ILDR1: variants seen among roughly 807,000 people sequenced by gnomAD.
ILDR1 encodes the protein immunoglobulin like domain containing receptor 1.
A neutral mutation model predicts 62.4 loss-of-function variants in ILDR1; 56 were observed. The ratio of observed to expected loss-of-function variants is 0.90; its 90% CI spans 0.72 to 1.12. The LOEUF is 1.12. ILDR1 is among the 50% of genes most tolerant of loss of function. The pLI, the probability that ILDR1 is intolerant of heterozygous loss-of-function variation, is 0.00. For synonymous variants in ILDR1, 284 were observed against 277.8 expected (o/e 1.02, Z -0.22); for missense variants, 736 against 710.6 (o/e 1.04, Z -0.41).
chr3:122,057,163 TATC>T, the ILDR1 span, among the ~76,000 whole-genome samples: 1 of 152,242 alleles, frequency 6.6e-6, no homozygotes, highest in Non-Finnish European at 1.5e-5. Context: ...CTAGTGGTGA[TATC>T]ATCTTTCTGG....
chr3:122,020,563 T>C (rs1012562159), intron 1 of ILDR1, among the ~76,000 whole-genome samples: 2 of 152,210 alleles, frequency 1.3e-5, no homozygotes, highest in African/African-American at 4.8e-5. Context: ...GGGGATAGAA[T>C]ACCCAGGGGC....
the ILDR1 span, among the ~76,000 whole-genome samples, chr3:122,046,342 G>T: frequency 6.6e-6 from 1 of 151,526 alleles, no homozygotes; most frequent in Non-Finnish European, 1.5e-5. Context: ...CTCTCTGGTT[G>T]CCCTTAACAT....
At chr3:122,046,613 C>T in the ILDR1 span, among the ~76,000 whole-genome samples, 17 of 151,188 alleles carry the variant, frequency 1.1e-4, no homozygotes, top group Non-Finnish European at 7.4e-5. Context: ...AGGCTTTGCT[C>T]GTTTCTTTTT....
Position 121,988,177 on chromosome 3 carries a change from A to G in ILDR1, c.*190T>C, listed in dbSNP as rs571262745. ...ATTCTTAGCCTCCCAAAGTGCTGTG[A>G]TTACAGGTGTGAGCCACTATACCCA... On this transcript the variant is annotated 3_prime_UTR_variant, in exon 8 of 8. Coordinates refer to ENST00000344209, the MANE Select transcript of ILDR1 (RefSeq NM_001199799.2). 3.1e-5 allele frequency: 21 copies of G among 669,914 alleles called. No individual in the cohort carries two copies. Among genetic ancestry groups the G allele is most frequent in the Admixed American group, 6.1e-5 (3 of 48,838 alleles). 41.5% of individuals were successfully genotyped at this position (669,914 alleles called of 1,614,324 possible). A position where few individuals can be genotyped will look rare whatever the true frequency, so the allele number is the denominator to read the frequency against.
the ILDR1 span, among the ~76,000 whole-genome samples, chr3:122,052,572 TTTG>T: frequency 7.9e-5 from 12 of 152,228 alleles, no homozygotes; most frequent in East Asian, 3.9e-4. Context: ...ACTTTGGTTT[TTTG>T]TTGTTGTTGT....
At chr3:122,015,321 C>G (rs1240036612) in intron 1 of ILDR1, among the ~76,000 whole-genome samples, 1 of 152,212 alleles carries the variant, frequency 6.6e-6, no homozygotes, top group Non-Finnish European at 1.5e-5. Context: ...CATTTCCCAT[C>G]TCAGTGAATG....
At position 122,007,095 on chromosome 3, in the gene ILDR1, A is replaced by T. The variant is rs758312781; in HGVS notation, c.125T>A (p.Ile42Asn). 1 of 1,614,038 alleles carries T rather than the reference A, an allele frequency of 6.2e-7. No homozygotes were observed. The highest frequency in any genetic ancestry group is 8.5e-7 in the Non-Finnish European group (1 of 1,180,022). Residue 42 changes from isoleucine (I) to asparagine (N), a missense_variant, in exon 2 of 8, where the codon ATC becomes AAC. Ile to Asn is a moderately radical substitution (Grantham distance 149). Coordinates refer to ENST00000344209, the MANE Select transcript of ILDR1 (RefSeq NM_001199799.2). The part of the protein sequence containing the change: ...ERYVTLFASI[I>N]LKCDYTTSAQ... ...AGAGGTGGTGTAGTCACATTTGAGG[A>T]TGATAGAGGCAAACAGGGTGACATA...
At chr3:122,053,599 C>G in the ILDR1 span, among the ~76,000 whole-genome samples, 1 of 152,156 alleles carries the variant, frequency 6.6e-6, no homozygotes, top group Non-Finnish European at 1.5e-5. Context: ...AAGATGTTCT[C>G]AAACTCCTGG....
chr3:122,005,311 C>CTA lies in ILDR1; in HGVS notation c.311_312insTA (p.Gln104HisfsTer13), dbSNP rs2071590339. On this transcript the variant is annotated frameshift_variant, in exon 3 of 8. Coordinates refer to ENST00000344209, the MANE Select transcript of ILDR1 (RefSeq NM_001199799.2). LOFTEE classifies it high-confidence loss of function. ...GCACGGGCTCATTCTGCCCCCGCCGCTGGGCCACTATGCGAACTTCCCGCT... is the reference window on the plus strand; with the variant it reads ...GCACGGGCTCATTCTGCCCCCGCCGCTATGGGCCACTATGCGAACTTCCCGCT... The CTA allele has an allele frequency of 6.2e-7, 1 of 1,613,970 alleles. No homozygotes were observed. Among genetic ancestry groups the CTA allele is most frequent in the African/African-American group, 1.3e-5 (1 of 74,888 alleles).
the ILDR1 span, among the ~76,000 whole-genome samples, chr3:122,043,218 ATAGT>A: frequency 6.8e-6 from 1 of 148,020 alleles, no homozygotes; most frequent in African/African-American, 2.5e-5. Flanking sequence ...CAAAGATCAG[ATAGT>A]TGTAGATATG....
rs753090807 is a variant in ILDR1 at position 121,993,320 on chromosome 3, T to G, written c.1429A>C (p.Ser477Arg). The G allele has an allele frequency of 1.4e-5, 22 of 1,611,892 alleles. No individual in the cohort carries two copies. In the Middle Eastern group the frequency reaches 4.9e-4, roughly 36 times the overall value. ...TTGTCCTCTTCAGAGCTCCAGGAAC[T>G]GAGGCCGGAGGGCAAGGGAGGAGAG... ...SYSPPLPSGL[S>R]SWSSEEDKER... Residue 477 changes from serine to arginine, a missense_variant, in exon 7 of 8, where the codon AGT (serine) becomes CGT (arginine). By Grantham distance (110) the Ser-to-Arg change is moderately radical. Transcript: ENST00000344209.
At position 122,021,485 on chromosome 3, in the gene ILDR1, G is replaced by C. The variant is rs563913006; in HGVS notation, c.58+535C>G. ...ATGAGCAAGGGGTAAAGTTAGGGCAGTGACTGGATACAGAGAAAGTAGAAA... is the reference window on the plus strand; with the variant it reads ...ATGAGCAAGGGGTAAAGTTAGGGCACTGACTGGATACAGAGAAAGTAGAAA... On this transcript the variant is annotated intron_variant, in intron 1 of 7. Coordinates refer to ENST00000344209, the MANE Select transcript of ILDR1 (RefSeq NM_001199799.2). Among the ~76,000 whole-genome samples the C allele has an allele frequency of 6.4e-4, 97 of 152,336 alleles. No homozygotes were observed. The Middle Eastern group carries it at 0.014, about 21-fold the overall frequency.
chr3:121,992,991 A>T (rs2071372289), intron 7 of ILDR1, among the ~76,000 whole-genome samples, 159 bp downstream of exon 7: 2 of 152,176 alleles, frequency 1.3e-5, no homozygotes, highest in African/African-American at 4.8e-5. Context: ...TAGCTCTGAC[A>T]AGAGGTAGTC....
the ILDR1 span, among the ~76,000 whole-genome samples, chr3:122,042,016 C>T: frequency 2.2e-5 from 3 of 134,170 alleles, no homozygotes; most frequent in African/African-American, 8.4e-5. Context: ...GCTGCACCCA[C>T]TAACTCGTCA....
At chr3:122,006,877 T>C in intron 2 of ILDR1, 114 bp downstream of exon 2, 1 of 1,125,024 alleles carries the variant, frequency 8.9e-7, no homozygotes, top group East Asian at 2.6e-5. Flanking sequence ...GTGATCTTTG[T>C]GTCTTCTCCT....
intron 1 of ILDR1, among the ~76,000 whole-genome samples, chr3:122,015,600 C>T (rs2071765576): frequency 6.6e-6 from 1 of 152,170 alleles, no homozygotes; most frequent in Non-Finnish European, 1.5e-5. Context: ...ATTTCTCCTG[C>T]CACCATGTGA....
the ILDR1 span, among the ~76,000 whole-genome samples, chr3:122,034,201 T>A: frequency 6.6e-6 from 1 of 152,350 alleles, no homozygotes; most frequent in Admixed American, 6.5e-5. Context: ...GTACAGTTGA[T>A]TTTTAAATAT....
In ILDR1 at chr3:122,001,728, G is replaced by T. The variant is rs1266337464; in HGVS notation, c.499+17C>A. On this transcript the variant is annotated intron_variant, in intron 4 of 7. Transcript: ENST00000344209. ...GGCAGTGAGGGTGACTGAATAGAAA[G>T]CTCCAGTAGCACTTACGTAGGACGA... 6.2e-6 allele frequency: 10 copies of T among 1,611,708 alleles called. No individual in the cohort carries two copies. Among genetic ancestry groups the T allele is most frequent in the Middle Eastern group, 1.8e-4 (1 of 5,604 alleles).
chr3:122,008,643 G>C (rs1229690825), intron 1 of ILDR1, among the ~76,000 whole-genome samples: 1 of 144,814 alleles, frequency 6.9e-6, no homozygotes, highest in Non-Finnish European at 1.5e-5. Context: ...ACTCAGGCTG[G>C]AGTGCAATGG....
Sources: gnomAD v4.1 joint callset for allele counts (sites outside exome capture counted in the v4.1 genomes callset) on GRCh38, gnomAD v4.1.1 for gene constraint, MANE v1.5 for transcripts, NCBI Gene and HGNC (gene_info 2026-07-23, HGNC 2026-07-21) for gene names.